USP31: variants seen among roughly 807,000 people sequenced by gnomAD.
USP31 encodes ubiquitin specific peptidase 31, also known as ubiquitin carboxyl-terminal hydrolase 31.
USP31 carries 44 observed loss-of-function variants against 119.4 expected under a neutral mutation model. The ratio of observed to expected loss-of-function variants is 0.37; its 90% confidence interval spans 0.29 to 0.47. USP31 has a LOEUF of 0.47. USP31 is among the 20% of genes least tolerant of loss of function. The pLI, the probability that USP31 is intolerant of heterozygous loss-of-function variation, is 0.99. For synonymous variants in USP31, 749 were observed against 705.6 expected (o/e 1.06, Z -0.97); for missense variants, 1,643 against 1,730.2 (o/e 0.95, Z 0.89).
At chr16:23,114,118 T>C (rs549366649) in intron 1 of USP31, among the ~76,000 whole-genome samples, 1 of 144,890 alleles carries the variant, frequency 6.9e-6, no homozygotes, top group African/African-American at 2.5e-5. Flanking sequence ...AAAAAAAAAA[T>C]GGTGATTCTT....
At position 23,073,719 on chromosome 16, in the gene USP31, C is replaced by T. The variant is rs1235332691; in HGVS notation, c.2335+3G>A. 11 of 1,611,048 alleles carry T rather than the reference C, an allele frequency of 6.8e-6. No individual in the cohort carries two copies. The South Asian group carries it at 1.1e-4, about 16-fold the overall frequency. ...ACTGCCCAAGAACAAGAGTGGACCT[C>T]ACCTGCCACCGAGCTGTTGGCTGAC... On this transcript the variant is annotated splice_donor_region_variant and intron_variant, in intron 14 of 15. Coordinates refer to ENST00000219689, the MANE Select transcript of USP31 (RefSeq NM_020718.4).
chr16:23,112,793 T>C (rs1254315911), intron 1 of USP31, among the ~76,000 whole-genome samples: 1 of 150,896 alleles, frequency 6.6e-6, no homozygotes, highest in Admixed American at 6.6e-5. Context: ...CTTTGGGAGG[T>C]TGAGGTGGGC....
At chr16:23,109,772 A>C (rs1902243568) in intron 1 of USP31, among the ~76,000 whole-genome samples, 1 of 151,884 alleles carries the variant, frequency 6.6e-6, no homozygotes, top group South Asian at 2.1e-4. Context: ...TCTTCCTCCC[A>C]AAAACCCATG....
At position 23,087,819 on chromosome 16, in the gene USP31, C is replaced by G; in HGVS notation, c.1432G>C (p.Val478Leu). ...QQGKRFGLPF[V>L]LHLEKTIAWD... ...GCTATTGTCTTCTCTAAGTGCAGCA[C>G]AAAAGGCAGTCCAAATCTAACACAC... Residue 478 changes from valine (V) to leucine (L), a missense_variant, in exon 8 of 16, where the codon GTG becomes CTG. Physicochemically the swap from Val to Leu is conservative, Grantham distance 32. This residue lies in a region of USP31 where 219 missense variants were observed against 226.4 expected (regional missense o/e 0.97). Coordinates refer to ENST00000219689, the MANE Select transcript of USP31 (RefSeq NM_020718.4). The G allele has an allele frequency of 6.2e-7, 1 of 1,613,766 alleles. No homozygotes were observed. The highest frequency in any genetic ancestry group is 1.1e-5 in the South Asian group (1 of 91,084).
At chr16:23,071,851 G>A (rs1440303588) in intron 15 of USP31, among the ~76,000 whole-genome samples, 194 bp downstream of exon 15, 1 of 152,192 alleles carries the variant, frequency 6.6e-6, no homozygotes, top group African/African-American at 2.4e-5. Flanking sequence ...TGGGACACAG[G>A]AAAAGCAAAT....
chr16:23,127,642 GTT>G (rs397766138), intron 1 of USP31, among the ~76,000 whole-genome samples: 181 of 128,078 alleles, frequency 1.4e-3, no homozygotes, highest in African/African-American at 4.8e-3. Flanking sequence ...AATTTTTGTA[GTT>G]TTTTTTTTTT....
chr16:23,068,926 G>A lies in USP31; in HGVS notation c.3179C>T (p.Ser1060Phe), dbSNP rs1410232102. ...TAGAGAGACTTTTACAGGAAGAGGAGAAGAAGGGGATGTACTTGAAAGGGA... is the reference window on the plus strand; with the variant it reads ...TAGAGAGACTTTTACAGGAAGAGGAAAAGAAGGGGATGTACTTGAAAGGGA... ...ESSLSSTSPS[S>F]PLPVKVSLKP... The change falls in exon 16 of 16, where the codon TCT (serine) becomes TTT (phenylalanine). Residue 1060 changes from serine to phenylalanine, a missense_variant. Coordinates refer to ENST00000219689, the MANE Select transcript of USP31 (RefSeq NM_020718.4). The A allele has an allele frequency of 1.2e-6, 2 of 1,613,730 alleles. No homozygotes were observed. The highest frequency in any genetic ancestry group is 1.7e-6 in the Non-Finnish European group (2 of 1,179,906).
chr16:23,123,908 A>C (rs929966641), intron 1 of USP31, among the ~76,000 whole-genome samples: 11 of 152,124 alleles, frequency 7.2e-5, no homozygotes, highest in Middle Eastern at 3.4e-3. Flanking sequence ...CTGAGGTGAG[A>C]AGATTACTTG....
At chr16:23,070,156 T>C (rs530284647) in intron 15 of USP31, among the ~76,000 whole-genome samples, 3 of 152,300 alleles carry the variant, frequency 2.0e-5, no homozygotes, top group South Asian at 2.1e-4. Context: ...TGGCATTCCA[T>C]AGATGCTGTG....
At chr16:23,109,045 A>AG (rs1350851631) in intron 1 of USP31, among the ~76,000 whole-genome samples, 1 of 152,214 alleles carries the variant, frequency 6.6e-6, no homozygotes, top group Non-Finnish European at 1.5e-5. Flanking sequence ...ATAGTCAGAG[A>AG]GGGAAGTTAC....
Position 23,069,361 on chromosome 16 carries a change from A to G in USP31, c.2744T>C (p.Leu915Ser), listed in dbSNP as rs1277059196. Residue 915 changes from leucine (L) to serine (S), a missense_variant, in exon 16 of 16, where the codon TTG becomes TCG. By Grantham distance (145) the Leu-to-Ser change is moderately radical. Coordinates refer to ENST00000219689, the MANE Select transcript of USP31 (RefSeq NM_020718.4). Reference protein sequence around the residue: ...DKVSISCFGSLRNLSSSYQEP... With the variant: ...DKVSISCFGSSRNLSSSYQEP... ...CTGGTAACTGCTAGAAAGGTTCCGC[A>G]AGCTACCAAAGCAAGAGATGGAGAC... 6.2e-7 allele frequency: 1 copy of G among 1,605,646 alleles called. No homozygotes were observed. The highest frequency in any genetic ancestry group is 1.1e-5 in the South Asian group (1 of 90,224).
At chr16:23,147,390 T>G (rs1271986648) in intron 1 of USP31, among the ~76,000 whole-genome samples, 1 of 151,530 alleles carries the variant, frequency 6.6e-6, no homozygotes, top group Non-Finnish European at 1.5e-5. Flanking sequence ...ATTACAGGCA[T>G]GAGCCACTGC....
chr16:23,129,919 C>T (rs1902977083), intron 1 of USP31, among the ~76,000 whole-genome samples: 1 of 152,164 alleles, frequency 6.6e-6, no homozygotes, highest in Non-Finnish European at 1.5e-5. Flanking sequence ...GGGTATAGGG[C>T]ACAAACAATA....
At chr16:23,144,827 T>G (rs1903459378) in intron 1 of USP31, among the ~76,000 whole-genome samples, 1 of 152,158 alleles carries the variant, frequency 6.6e-6, no homozygotes, top group South Asian at 2.1e-4. Flanking sequence ...CCATCAAATT[T>G]AGCTAAAATA....
intron 4 of USP31, 47 bp from the exon 5 acceptor site, chr16:23,105,623 T>A: frequency 4.7e-6 from 7 of 1,481,728 alleles, no homozygotes; most frequent in Non-Finnish European, 6.3e-6. Context: ...TTATTTCAAC[T>A]AAAATATAGA....
At chr16:23,092,171 T>C (rs1485442079) in intron 6 of USP31, among the ~76,000 whole-genome samples, 1 of 152,184 alleles carries the variant, frequency 6.6e-6, no homozygotes, top group East Asian at 1.9e-4. Context: ...TCATTATATA[T>C]TGAATAAAAC....
chr16:23,068,902 A>C lies in USP31; in HGVS notation c.3203T>G (p.Leu1068Arg). The C allele has an allele frequency of 1.2e-6, 2 of 1,611,632 alleles. No individual in the cohort carries two copies. The highest frequency in any genetic ancestry group is 1.7e-6 in the Non-Finnish European group (2 of 1,178,982). ...PSSPLPVKVSLKPSRSRSKAD... is the reference protein window; with the variant it reads ...PSSPLPVKVSRKPSRSRSKAD... Reference sequence around the variant, plus strand: ...TTTGCTGCGGGAGCGGGAGGGCTTTAGAGAGACTTTTACAGGAAGAGGAGA... The same window carrying C: ...TTTGCTGCGGGAGCGGGAGGGCTTTCGAGAGACTTTTACAGGAAGAGGAGA... The change falls in exon 16 of 16, where the codon CTA becomes CGA. Residue 1068 changes from leucine to arginine, a missense_variant. Leu to Arg is a moderately radical substitution (Grantham distance 102, BLOSUM62 -2). This residue lies in a region of USP31 where 699 missense variants were observed against 650.9 expected (regional missense o/e 1.07). Transcript: ENST00000219689.
chr16:23,100,712 G>A (rs1901812871), intron 6 of USP31, among the ~76,000 whole-genome samples: 1 of 152,156 alleles, frequency 6.6e-6, no homozygotes, highest in African/African-American at 2.4e-5. Context: ...CTGCACTCCA[G>A]CCTGAGCGAC....
intron 15 of USP31, among the ~76,000 whole-genome samples, chr16:23,071,700 A>G (rs1596682301): frequency 6.6e-6 from 1 of 151,906 alleles, no homozygotes; most frequent in African/African-American, 2.4e-5. Flanking sequence ...GCAAAGCACA[A>G]TCTCTCTGAG....
Sources: allele counts gnomAD v4.1 joint callset (sites outside exome capture counted in the v4.1 genomes callset), GRCh38; gene constraint gnomAD v4.1.1; regional missense constraint gnomAD v4.1.1; transcripts MANE v1.5; gene names NCBI Gene and HGNC (gene_info 2026-07-23, HGNC 2026-07-21).